The following PHF2 variants were observed in gnomAD, a reference collection of about 807,000 sequenced individuals.
The protein encoded by PHF2 is lysine-specific demethylase PHF2.
PHF2 carries 27 observed loss-of-function variants against 120.5 expected under a neutral mutation model. The ratio of observed to expected loss-of-function variants is 0.22; its 90% CI spans 0.17 to 0.31. The LOEUF (loss-of-function observed/expected upper bound fraction) is 0.31. PHF2 is among the 10% of genes least tolerant of loss of function. The pLI, the probability that PHF2 is intolerant of heterozygous loss-of-function variation, is 1.00. For synonymous variants in PHF2, 568 were observed against 592.5 expected (o/e 0.96, Z 0.60); for missense variants, 1,024 against 1,434.8 (o/e 0.71, Z 4.63).
chr9:93,596,305 C>T (rs1825331721), intron 1 of PHF2, among the ~76,000 whole-genome samples: 1 of 152,216 alleles, frequency 6.6e-6, no homozygotes, highest in African/African-American at 2.4e-5. Context: ...ACTGAAGCTT[C>T]ATTGGGGCCC....
At chr9:93,650,142 G>A (rs200681625) in intron 5 of PHF2, among the ~76,000 whole-genome samples, 1 of 37,466 alleles carries the variant, frequency 2.7e-5, no homozygotes, top group Non-Finnish European at 6.2e-5. Context: ...TCACCAACAC[G>A]GTACACTCAC....
chr9:93,580,658 G>C lies in PHF2; in HGVS notation c.98+3787G>C, dbSNP rs1862915326. 2.0e-5 allele frequency among the ~76,000 whole-genome samples: 3 copies of C among 152,202 alleles called. No homozygotes were observed. The South Asian group carries it at 6.2e-4, about 32-fold the overall frequency. On this transcript the variant is annotated intron_variant, in intron 1 of 21. Coordinates refer to ENST00000359246, the MANE Select transcript of PHF2 (RefSeq NM_005392.4). ...CTGCTTGTTCTATTGGACTGGAAGG[G>C]TTTTTGGAGGTGTAATCAGTAAAAC...
chr9:93,621,594 C>T (rs1825827742), intron 1 of PHF2, among the ~76,000 whole-genome samples: 1 of 152,214 alleles, frequency 6.6e-6, no homozygotes. Context: ...CCTGGAGCCA[C>T]ACAGGTGGGC....
At chr9:93,632,372 ATG>A (rs1298257180) in intron 2 of PHF2, among the ~76,000 whole-genome samples, 1 of 152,168 alleles carries the variant, frequency 6.6e-6, no homozygotes, top group Non-Finnish European at 1.5e-5. Flanking sequence ...GTGCATGTGT[ATG>A]TGTGTGTGCA....
At position 93,645,609 on chromosome 9, in the gene PHF2, T is replaced by C. The variant is rs757918941; in HGVS notation, c.300-20T>C. Reference sequence around the variant, plus strand: ...GAGGCCTCGGGCCCAATGTGGCCTCTGACCTGTGCTTCCCTGCAGTGCTGA... The same window carrying C: ...GAGGCCTCGGGCCCAATGTGGCCTCCGACCTGTGCTTCCCTGCAGTGCTGA... On this transcript the variant is annotated intron_variant, in intron 3 of 21. Coordinates refer to ENST00000359246, the MANE Select transcript of PHF2 (RefSeq NM_005392.4). The C allele has an allele frequency of 1.1e-5, 17 of 1,556,754 alleles. No individual in the cohort carries two copies. Among genetic ancestry groups the C allele is most frequent in the South Asian group, 2.4e-5 (2 of 84,400 alleles).
intron 1 of PHF2, among the ~76,000 whole-genome samples, chr9:93,582,029 G>T (rs888035654): frequency 6.6e-6 from 1 of 152,170 alleles, no homozygotes; most frequent in Non-Finnish European, 1.5e-5. Context: ...ACATTCAGTC[G>T]GGGTTTAATG....
At chr9:93,636,314 G>A (rs996005025) in intron 2 of PHF2, 97 bp from the exon 3 acceptor site, 13 of 862,658 alleles carry the variant, frequency 1.5e-5, no homozygotes, top group Non-Finnish European at 2.2e-5. Flanking sequence ...GCTGGGAGTT[G>A]TTAGTAGGCT....
At chr9:93,663,410 T>G in intron 13 of PHF2, 107 bp from the exon 14 acceptor site, 1 of 752,022 alleles carries the variant, frequency 1.3e-6, no homozygotes, top group Middle Eastern at 4.0e-4. Flanking sequence ...TGGGTGACTT[T>G]CCTTAGTCGT....
intron 14 of PHF2, among the ~76,000 whole-genome samples, chr9:93,664,055 C>A (rs918040106): frequency 1.6e-4 from 25 of 152,228 alleles, no homozygotes; most frequent in Admixed American, 1.2e-3. Context: ...AGGGATGGCC[C>A]CCCAGGTAGG....
intron 13 of PHF2, 30 bp downstream of exon 13, chr9:93,663,056 G>A (rs772768335): frequency 1.2e-6 from 2 of 1,613,250 alleles, no homozygotes; most frequent in Admixed American, 1.7e-5. Context: ...ATGCACACGT[G>A]TGTGTGTCAG....
At chr9:93,661,875 AATGG>A (rs929266414) in intron 12 of PHF2, among the ~76,000 whole-genome samples, 12 of 149,410 alleles carry the variant, frequency 8.0e-5, no homozygotes, top group Admixed American at 2.0e-4. Flanking sequence ...TGGATGAGCA[AATGG>A]ATGGATGGAT....
rs368274465 is a variant in PHF2, at chr9:93,656,553, G to A, written c.1105G>A (p.Ala369Thr). The A allele has an allele frequency of 1.9e-6, 3 of 1,613,804 alleles. No individual in the cohort carries two copies. The highest frequency in any genetic ancestry group is 1.7e-6 in the Non-Finnish European group (2 of 1,179,956). The change falls in exon 9 of 22, where the codon GCG becomes ACG. Residue 369 changes from alanine to threonine, a missense_variant. Coordinates refer to ENST00000359246, the MANE Select transcript of PHF2 (RefSeq NM_005392.4). This position sits in a 1 kb window ranked among gnomAD's most constrained non-coding sequence, Gnocchi z 4.1. ...SLTQFPNFET[A>T]CWYMGKHLLE... ...GACTCAGTTTCCCAACTTTGAAACT[G>A]CGTGCTGGTACATGGGGAAGCACCT...
intron 4 of PHF2, among the ~76,000 whole-genome samples, chr9:93,646,582 A>G (rs1826264463): frequency 6.6e-6 from 1 of 152,164 alleles, no homozygotes; most frequent in Non-Finnish European, 1.5e-5. Context: ...GACTGGCCCC[A>G]CCACTCTGAG....
rs1444427412 is a variant in PHF2, at chr9:93,676,910, T to C, written c.3149T>C (p.Leu1050Pro). Residue 1050 changes from leucine (L) to proline (P), a missense_variant, in exon 21 of 22, where the codon CTC (leucine) becomes CCC (proline). Transcript: ENST00000359246. ...CAGCCCATGGCCCCTGGGGTCTTTC[T>C]CACACAGAGGCGGCCCTCCGCATCG... is the stretch of plus-strand genomic sequence containing the variant. ...TSQPMAPGVF[L>P]TQRRPSASSP... 6.3e-7 allele frequency: 1 copy of C among 1,580,962 alleles called. No individual in the cohort carries two copies. Among genetic ancestry groups the C allele is most frequent in the Admixed American group, 1.8e-5 (1 of 55,326 alleles).
At chr9:93,649,647 G>A (rs1253591298) in intron 5 of PHF2, among the ~76,000 whole-genome samples, 1 of 150,632 alleles carries the variant, frequency 6.6e-6, no homozygotes, top group Non-Finnish European at 1.5e-5. Context: ...CTTACTCATG[G>A]ACACACCAAC....
chr9:93,593,719 G>T (rs560747260), intron 1 of PHF2, among the ~76,000 whole-genome samples: 7 of 152,230 alleles, frequency 4.6e-5, no homozygotes, highest in Non-Finnish European at 8.8e-5. Flanking sequence ...AAATTATGCA[G>T]TCGTCAGCAG....
At chr9:93,624,765 T>C (rs982691620) in intron 1 of PHF2, among the ~76,000 whole-genome samples, 4 of 150,918 alleles carry the variant, frequency 2.7e-5, no homozygotes, top group African/African-American at 9.8e-5. Context: ...ATGATGGTGG[T>C]TGAGGTGATG....
At chr9:93,652,063 A>G (rs1392742247) in intron 5 of PHF2, among the ~76,000 whole-genome samples, 2 of 152,166 alleles carry the variant, frequency 1.3e-5, no homozygotes, top group Non-Finnish European at 2.9e-5. Flanking sequence ...GAGGTCTGTG[A>G]CTGAGGCTAG....
intron 1 of PHF2, among the ~76,000 whole-genome samples, chr9:93,617,268 G>A (rs779077328): frequency 1.3e-5 from 2 of 152,224 alleles, no homozygotes; most frequent in Non-Finnish European, 2.9e-5. Context: ...AGCTCCATGA[G>A]CAGGGCTAGC....
Sources: gnomAD v4.1 joint callset for allele counts (sites outside exome capture counted in the v4.1 genomes callset) on GRCh38, gnomAD v4.1.1 for gene constraint, Gnocchi (gnomAD v3.1) non-coding constraint, MANE v1.5 for transcripts, NCBI Gene and HGNC (gene_info 2026-07-23, HGNC 2026-07-21) for gene names.